The following CCSER1 variants were observed in gnomAD, a reference collection of about 807,000 sequenced individuals.
CCSER1 encodes coiled-coil serine rich protein 1.
CCSER1 carries 41 observed loss-of-function variants against 82.0 expected under a neutral mutation model. That is an observed-to-expected ratio of 0.50 (90% CI 0.39 to 0.65). The LOEUF (loss-of-function observed/expected upper bound fraction) is 0.65, where lower values mean the gene tolerates loss of function less well. Ranked by LOEUF, CCSER1 falls within the 30% of genes least tolerant of loss-of-function variation. The pLI is 0.00. For missense variants in CCSER1, 1,119 were observed against 1,064.2 expected, an observed-to-expected ratio of 1.05 and a Z score of -0.72; for synonymous variants, 414 against 383.9, an observed-to-expected ratio of 1.08 and a Z score of -0.92.
At chr4:91,196,830 A>G (rs1376608293) in intron 10 of CCSER1, among the ~76,000 whole-genome samples, 1 of 152,188 alleles carries the variant, frequency 6.6e-6, no homozygotes, top group African/African-American at 2.4e-5. Context: ...GCATACCTAA[A>G]TATTTCCTGT....
intron 3 of CCSER1, among the ~76,000 whole-genome samples, chr4:90,362,712 G>A (rs888012473): frequency 2.6e-5 from 4 of 152,028 alleles, no homozygotes; most frequent in Non-Finnish European, 4.4e-5. Context: ...AGCCACAGAC[G>A]TCCCTCTGTG....
At chr4:91,159,628 T>C (rs967671939) in intron 10 of CCSER1, among the ~76,000 whole-genome samples, 3 of 151,890 alleles carry the variant, frequency 2.0e-5, no homozygotes, top group African/African-American at 7.2e-5. Context: ...GGAATAAATA[T>C]TTTCCTTACA....
chr4:91,484,886 T>C, intron 10 of CCSER1, among the ~76,000 whole-genome samples: 1 of 152,206 alleles, frequency 6.6e-6, no homozygotes, highest in Non-Finnish European at 1.5e-5. Context: ...AAAGTCTAAA[T>C]CGATACCTGT....
At chr4:90,466,038 G>A (rs1336388634) in intron 4 of CCSER1, among the ~76,000 whole-genome samples, 2 of 152,156 alleles carry the variant, frequency 1.3e-5, no homozygotes, top group African/African-American at 2.4e-5. Context: ...GGCTTTGGTA[G>A]GCAGAATTCT....
Position 90,308,604 on chromosome 4 carries a change from A to G in CCSER1, c.320A>G (p.Glu107Gly). The G allele has an allele frequency of 6.2e-7, 1 of 1,613,952 alleles. No homozygotes were observed. The highest frequency in any genetic ancestry group is 1.1e-5 in the South Asian group (1 of 91,090). The change falls in exon 2 of 11, where the codon GAA (glutamate) becomes GGA (glycine). Residue 107 changes from glutamate to glycine, a missense_variant. Physicochemically the swap from Glu to Gly is moderately conservative, Grantham distance 98. Coordinates refer to ENST00000509176, the MANE Select transcript of CCSER1 (RefSeq NM_001145065.2). ...HSNMQKLSLE[E>G]HIKTRGRHSV... ...AATATGCAGAAACTGAGTTTGGAAG[A>G]ACATATTAAGACCAGGGGAAGACAT...
chr4:91,307,303 T>A (rs1745138674), intron 10 of CCSER1, among the ~76,000 whole-genome samples: 1 of 151,928 alleles, frequency 6.6e-6, no homozygotes, highest in South Asian at 2.1e-4. Flanking sequence ...TATAACTGTC[T>A]TTGTAATCCT....
At chr4:90,694,229 G>T (rs1207786489) in intron 6 of CCSER1, among the ~76,000 whole-genome samples, 1 of 150,756 alleles carries the variant, frequency 6.6e-6, no homozygotes, top group African/African-American at 2.4e-5. Flanking sequence ...TTAAGCATCT[G>T]TCATGAATTA....
intron 8 of CCSER1, among the ~76,000 whole-genome samples, chr4:90,917,282 T>C (rs1198631966): frequency 6.6e-6 from 1 of 152,110 alleles, no homozygotes; most frequent in Non-Finnish European, 1.5e-5. Context: ...CCAACAATGA[T>C]GGACTGGATT....
chr4:90,428,271 A>G (rs1473025389), intron 4 of CCSER1, among the ~76,000 whole-genome samples: 1 of 151,698 alleles, frequency 6.6e-6, no homozygotes, highest in Non-Finnish European at 1.5e-5. Flanking sequence ...CATCAACAAA[A>G]AGAAAGAAAG....
intron 10 of CCSER1, among the ~76,000 whole-genome samples, chr4:91,518,194 C>T (rs1760253698): frequency 6.6e-6 from 1 of 152,132 alleles, no homozygotes; most frequent in Admixed American, 6.5e-5. Context: ...AAGGAAGCGA[C>T]CTTAGCAGTG....
chr4:90,807,253 A>C (rs60783450), intron 7 of CCSER1, among the ~76,000 whole-genome samples: 3,048 of 152,240 alleles, frequency 0.02, 81 homozygotes, highest in African/African-American at 0.063. Flanking sequence ...TTTCCTTTGC[A>C]ATGTAGAGCA....
chr4:90,313,041 C>G lies in CCSER1; in HGVS notation c.1503C>G (p.Asn501Lys). 1 of 1,595,742 alleles carries G rather than the reference C, an allele frequency of 6.3e-7. No individual in the cohort carries two copies. Among genetic ancestry groups the G allele is most frequent in the Non-Finnish European group, 8.6e-7 (1 of 1,169,074 alleles). The change falls in exon 3 of 11, where the codon AAC becomes AAG. Residue 501 changes from asparagine to lysine, a missense_variant. By Grantham distance (94) the Asn-to-Lys change is moderately conservative. Transcript: ENST00000509176. ...QRAGSSSSKMNSLDVLNNLGS... is the reference protein window; with the variant it reads ...QRAGSSSSKMKSLDVLNNLGS... ...CAGGTTCTTCATCTTCAAAAATGAA[C>G]AGTTTGGTAAGTATATACATATGTC...
At chr4:90,285,755 A>G (rs1230175910) in intron 1 of CCSER1, among the ~76,000 whole-genome samples, 1 of 152,024 alleles carries the variant, frequency 6.6e-6, no homozygotes, top group African/African-American at 2.4e-5. Context: ...TTTCCCATTT[A>G]ATACATAGCT....
chr4:91,419,972 A>G (rs1011025781), intron 10 of CCSER1, among the ~76,000 whole-genome samples: 17 of 152,064 alleles, frequency 1.1e-4, no homozygotes, highest in Non-Finnish European at 2.1e-4. Context: ...TTCAATAACT[A>G]ATCTTGGGAA....
At chr4:91,589,065 G>C (rs1437294309) in intron 10 of CCSER1, among the ~76,000 whole-genome samples, 2 of 151,696 alleles carry the variant, frequency 1.3e-5, no homozygotes, top group Non-Finnish European at 2.9e-5. Context: ...GTAATATATT[G>C]ACTTTATCAG....
chr4:90,158,262 G>C (rs949759099), intron 1 of CCSER1, among the ~76,000 whole-genome samples: 107 of 152,264 alleles, frequency 7.0e-4, no homozygotes, highest in Non-Finnish European at 9.4e-4. Context: ...GTACCTGGTC[G>C]TGTGAGGTGT....
chr4:91,200,479 G>A (rs1735818576), intron 10 of CCSER1, among the ~76,000 whole-genome samples: 1 of 151,896 alleles, frequency 6.6e-6, no homozygotes, highest in South Asian at 2.1e-4. Context: ...TGTAGTGGGG[G>A]GCCACATCTT....
chr4:90,930,567 C>A (rs564871433), intron 9 of CCSER1, among the ~76,000 whole-genome samples: 1 of 151,416 alleles, frequency 6.6e-6, no homozygotes, highest in Admixed American at 6.6e-5. Context: ...GAGCCGAGAT[C>A]GTGCCACTGC....
chr4:90,250,018 C>A (rs1722105879), intron 1 of CCSER1, among the ~76,000 whole-genome samples: 1 of 151,944 alleles, frequency 6.6e-6, no homozygotes, highest in Non-Finnish European at 1.5e-5. Context: ...CTTTTCATGT[C>A]CTTGGGGTCA....
Sources: gnomAD v4.1 joint callset for allele counts (sites outside exome capture counted in the v4.1 genomes callset) on GRCh38, gnomAD v4.1.1 for gene constraint, MANE v1.5 for transcripts, NCBI Gene and HGNC (gene_info 2026-07-23, HGNC 2026-07-21) for gene names.